Variants in FGF13 observed in about 807,000 individuals in gnomAD.
FGF13 encodes fibroblast growth factor 13.
Under a neutral mutation model 19.5 loss-of-function variants are expected in FGF13, and 2 were observed. That is an observed-to-expected ratio of 0.10 (90% CI 0.04 to 0.32). FGF13 has a LOEUF of 0.32. Ranked by LOEUF, FGF13 falls within the 10% of genes least tolerant of loss-of-function variation. FGF13 has a pLI of 1.00. For missense variants in FGF13, 113 were observed against 192.7 expected, an observed-to-expected ratio of 0.59 and a Z score of 2.45; for synonymous variants, 72 against 76.9, an observed-to-expected ratio of 0.94 and a Z score of 0.33.
At chrX:138,735,865 C>T (rs1325739448) in intron 1 of FGF13, among the ~76,000 whole-genome samples, 2 of 112,132 alleles carry the variant, frequency 1.8e-5, no homozygotes, top group East Asian at 2.8e-4. Flanking sequence ...CATTTTAATA[C>T]GTCTATTATA....
intron 1 of FGF13, among the ~76,000 whole-genome samples, chrX:138,972,418 G>A (rs1436509106): frequency 3.8e-5 from 4 of 104,034 alleles, no homozygotes; most frequent in Non-Finnish European, 7.8e-5. Context: ...GTGCAGTGGC[G>A]CGACCTCGGC....
rs1453455246 is a variant in FGF13 at position 139,072,380 on chromosome X, A to T, written c.-113+131036T>A. Among the ~76,000 whole-genome samples, 7 of 110,842 alleles carry T rather than the reference A, an allele frequency of 6.3e-5. No individual in the cohort carries two copies. In the Admixed American group the frequency reaches 6.8e-4, roughly 11 times the overall value. ...GTCAGAAAGGGAGACTTTACCAGAC[A>T]CCCTCTCTGATGGCACCTTGATCTT... On this transcript the variant is annotated intron_variant, in intron 1 of 2. Transcript: ENST00000421460.
At chrX:138,652,970 T>C (rs1054202811) in intron 3 of FGF13, among the ~76,000 whole-genome samples, 1 of 112,234 alleles carries the variant, frequency 8.9e-6, no homozygotes, top group Non-Finnish European at 1.9e-5. Context: ...AGAATACATC[T>C]TTCCAAAGAA....
chrX:138,913,578 A>T (rs1378869518), intron 1 of FGF13, among the ~76,000 whole-genome samples: 1 of 106,674 alleles, frequency 9.4e-6, no homozygotes, highest in Non-Finnish European at 1.9e-5. Flanking sequence ...GGGGAAAGAA[A>T]AGAAAAGAGA....
At chrX:139,051,552 C>T (rs762484462) in intron 1 of FGF13, among the ~76,000 whole-genome samples, 2 of 112,174 alleles carry the variant, frequency 1.8e-5, no homozygotes, top group African/African-American at 3.2e-5. Context: ...CTGTGGAAGC[C>T]TATTACTACA....
chrX:139,162,104 A>C (rs1381650697), intron 1 of FGF13, among the ~76,000 whole-genome samples: 1 of 112,327 alleles, frequency 8.9e-6, no homozygotes, highest in Admixed American at 9.4e-5. Flanking sequence ...AATCCTAAGC[A>C]AAAAGAACAA....
chrX:138,893,010 G>A (rs965355674), intron 1 of FGF13, among the ~76,000 whole-genome samples: 28 of 110,052 alleles, frequency 2.5e-4, no homozygotes, highest in African/African-American at 8.9e-4. Flanking sequence ...AGATGAAGGT[G>A]ATGTTGTAAG....
At chrX:138,762,878 GAT>G (rs755085018) in intron 3 of FGF13, among the ~76,000 whole-genome samples, 1 of 111,657 alleles carries the variant, frequency 9.0e-6, no homozygotes, top group South Asian at 3.8e-4. Context: ...ATTTGGCTTG[GAT>G]ATGTGATCCA....
chrX:139,127,094 G>A (rs2083721880), intron 1 of FGF13, among the ~76,000 whole-genome samples: 1 of 111,370 alleles, frequency 9.0e-6, no homozygotes, highest in Non-Finnish European at 1.9e-5. Flanking sequence ...CAGTGCCGCA[G>A]AAAAAAAGCA....
chrX:139,064,389 G>A (rs1035944224), intron 1 of FGF13, among the ~76,000 whole-genome samples: 2 of 78,357 alleles, frequency 2.6e-5, no homozygotes, highest in Non-Finnish European at 4.4e-5. Flanking sequence ...TGCAAGCTCC[G>A]CTTCCCGGGT....
At chrX:138,702,908 C>T (rs2089960918) in intron 3 of FGF13, 76 bp downstream of exon 3, 1 of 661,517 alleles carries the variant, frequency 1.5e-6, no homozygotes, top group Admixed American at 2.4e-5. Context: ...GTAATGATAA[C>T]ACATATAAAG....
chrX:138,892,891 C>G (rs2091484709), intron 1 of FGF13, among the ~76,000 whole-genome samples: 1 of 105,005 alleles, frequency 9.5e-6, no homozygotes, highest in African/African-American at 3.5e-5. Context: ...AAGAATGCAC[C>G]CATCCAATAT....
chrX:138,963,968 A>T (rs760202051), intron 1 of FGF13, among the ~76,000 whole-genome samples: 1 of 111,985 alleles, frequency 8.9e-6, no homozygotes, highest in Non-Finnish European at 1.9e-5. Flanking sequence ...GAGCAGCTAC[A>T]CTCAGCCAGG....
rs183865854 is a variant in FGF13 at position 138,671,872 on chromosome X, G to A, written c.402+31112C>T. Among the ~76,000 whole-genome samples the A allele has an allele frequency of 3.7e-3, 409 of 110,016 alleles. 2 individuals carry two copies. The highest frequency in any genetic ancestry group is 0.012 in the African/African-American group (371 of 30,320). On this transcript the variant is annotated intron_variant, in intron 3 of 4. Transcript: ENST00000315930. ...ATAATGGGAGATAGGAAATTATGGT[G>A]ACAAAATGCTATTTTAAATTAAGTA...
At chrX:138,652,853 C>T (rs1343341594) in intron 3 of FGF13, among the ~76,000 whole-genome samples, 1 of 112,024 alleles carries the variant, frequency 8.9e-6, no homozygotes, top group Non-Finnish European at 1.9e-5. Context: ...GCAGCAAATC[C>T]TGATGGCTAG....
intron 1 of FGF13, among the ~76,000 whole-genome samples, chrX:138,954,095 C>CAAGA (rs374374818): frequency 1.4e-4 from 13 of 94,188 alleles, no homozygotes; most frequent in South Asian, 1.1e-3. Context: ...GTAAATTTAA[C>CAAGA]GAGAGAGAGA....
At chrX:139,068,462 G>A (rs1441810973) in intron 1 of FGF13, among the ~76,000 whole-genome samples, 13 of 101,628 alleles carry the variant, frequency 1.3e-4, no homozygotes, top group Non-Finnish European at 2.3e-4. Context: ...TTGACTTGGC[G>A]ATGCGGGCTC....
chrX:138,826,704 T>C (rs2091036692), intron 3 of FGF13, among the ~76,000 whole-genome samples: 2 of 112,481 alleles, frequency 1.8e-5, no homozygotes, highest in East Asian at 2.8e-4. Context: ...GAATCAATGC[T>C]TATTTAAATA....
At chrX:139,075,270 C>T (rs1423395675) in intron 1 of FGF13, among the ~76,000 whole-genome samples, 1 of 111,566 alleles carries the variant, frequency 9.0e-6, no homozygotes, top group Middle Eastern at 4.6e-3. Context: ...TTCCTTTGTC[C>T]CCAACTTGTC....
Sources: gnomAD v4.1 joint callset for allele counts (sites outside exome capture counted in the v4.1 genomes callset) on GRCh38, gnomAD v4.1.1 for gene constraint, MANE v1.5 for transcripts, NCBI Gene and HGNC (gene_info 2026-07-23, HGNC 2026-07-21) for gene names.